Variants in CBLB observed in about 807,000 individuals in gnomAD.
The protein encoded by CBLB is Cbl proto-oncogene B, also known as E3 ubiquitin-protein ligase CBL-B.
In CBLB, 31 loss-of-function variants were observed where a neutral mutation model predicts 104.9. The observed-to-expected ratio is 0.30, with a 90% CI of 0.22 to 0.40. The LOEUF (loss-of-function observed/expected upper bound fraction) is 0.40. Ranked by LOEUF, CBLB falls within the 10% of genes least tolerant of loss-of-function variation. The pLI is 1.00. For synonymous variants in CBLB, 440 were observed against 422.6 expected (o/e 1.04, Z -0.51); for missense variants, 1,062 against 1,214.6 (o/e 0.87, Z 1.87).
chr3:105,797,836 T>C (rs942384661), intron 3 of CBLB, among the ~76,000 whole-genome samples: 1 of 152,216 alleles, frequency 6.6e-6, no homozygotes, highest in Non-Finnish European at 1.5e-5. Flanking sequence ...TCCATGAGCA[T>C]CCCCTTATTC....
intron 3 of CBLB, among the ~76,000 whole-genome samples, chr3:105,818,726 A>C (rs554329906): frequency 2.6e-5 from 4 of 152,192 alleles, no homozygotes; most frequent in Non-Finnish European, 4.4e-5. Context: ...AATAAATTAA[A>C]TACGAAAAGC....
intron 16 of CBLB, among the ~76,000 whole-genome samples, chr3:105,679,754 G>A (rs2066084629): frequency 7.5e-6 from 1 of 132,582 alleles, no homozygotes; most frequent in South Asian, 2.7e-4. Flanking sequence ...CCAGCCTGGT[G>A]ACAGAGAAAG....
At chr3:105,787,807 C>T (rs1018732919) in intron 3 of CBLB, among the ~76,000 whole-genome samples, 13 of 152,120 alleles carry the variant, frequency 8.5e-5, no homozygotes, top group African/African-American at 2.4e-4. Context: ...ACAGGCATTA[C>T]TGACATTTCT....
intron 18 of CBLB, among the ~76,000 whole-genome samples, chr3:105,665,664 CAT>C (rs2064360128): frequency 6.8e-6 from 1 of 147,150 alleles, no homozygotes. Context: ...AATAAAATAA[CAT>C]GAATATTTAT....
intron 13 of CBLB, 40 bp downstream of exon 13, chr3:105,693,454 G>A: frequency 1.5e-6 from 2 of 1,309,858 alleles, no homozygotes; most frequent in African/African-American, 1.5e-5. Flanking sequence ...ACCATATCTT[G>A]ATGCATAGAC....
chr3:105,739,069 A>G (rs2075266371), intron 7 of CBLB, among the ~76,000 whole-genome samples: 1 of 151,944 alleles, frequency 6.6e-6, no homozygotes, highest in Admixed American at 6.6e-5. Flanking sequence ...CACCATGCCC[A>G]GCTAATTTTT....
intron 3 of CBLB, among the ~76,000 whole-genome samples, chr3:105,830,479 A>G (rs1200142312): frequency 1.3e-5 from 2 of 152,242 alleles, no homozygotes; most frequent in Admixed American, 1.3e-4. Flanking sequence ...AAAGCATCAT[A>G]TAACAAGAAA....
At chr3:105,846,926 G>A (rs373930475) in intron 3 of CBLB, among the ~76,000 whole-genome samples, 16 of 152,080 alleles carry the variant, frequency 1.1e-4, no homozygotes, top group African/African-American at 3.6e-4. Flanking sequence ...CAATGACCAT[G>A]CTATCAACAT....
At chr3:105,707,388 T>C (rs1027676226) in intron 10 of CBLB, among the ~76,000 whole-genome samples, 1 of 152,214 alleles carries the variant, frequency 6.6e-6, no homozygotes, top group Non-Finnish European at 1.5e-5. Flanking sequence ...AAAATATCTT[T>C]CATCTTTATT....
intron 8 of CBLB, among the ~76,000 whole-genome samples, chr3:105,734,453 A>G (rs2074680156): frequency 2.0e-5 from 3 of 152,180 alleles, no homozygotes; most frequent in Non-Finnish European, 4.4e-5. Context: ...GACAAAATCT[A>G]TGGTTTTAAA....
At chr3:105,771,980 C>T (rs552378602) in intron 4 of CBLB, among the ~76,000 whole-genome samples, 1 of 152,146 alleles carries the variant, frequency 6.6e-6, no homozygotes, top group East Asian at 1.9e-4. Flanking sequence ...ATGCAATTCC[C>T]ATCAAAATAC....
chr3:105,834,093 T>C (rs1367395283), intron 3 of CBLB, among the ~76,000 whole-genome samples: 1 of 110,676 alleles, frequency 9.0e-6, no homozygotes, highest in African/African-American at 3.5e-5. Flanking sequence ...GGGGTGGGGG[T>C]GGGCAGTTGA....
chr3:105,816,735 C>A (rs1420250705), intron 3 of CBLB, among the ~76,000 whole-genome samples: 2 of 152,044 alleles, frequency 1.3e-5, no homozygotes, highest in Non-Finnish European at 2.9e-5. Flanking sequence ...GTTGAAGTAT[C>A]ACCTATTTAA....
intron 3 of CBLB, among the ~76,000 whole-genome samples, chr3:105,799,317 A>T (rs1295747600): frequency 6.6e-5 from 10 of 152,160 alleles, no homozygotes; most frequent in Non-Finnish European, 1.5e-4. Context: ...TTTTGGGTAG[A>T]CGTTATGTAA....
At chr3:105,726,273 A>G (rs546698607) in intron 9 of CBLB, among the ~76,000 whole-genome samples, 1 of 152,330 alleles carries the variant, frequency 6.6e-6, no homozygotes, top group South Asian at 2.1e-4. Flanking sequence ...CTCCTTAATC[A>G]TATTCCACAT....
At position 105,853,608 on chromosome 3, in the gene CBLB, A is replaced by G. The variant is rs748276591; in HGVS notation, c.225T>C (p.Leu75=). The part of the protein sequence containing the change: ...LQLKNSPPYI[L]DILPDTYQHL... The stretch of plus-strand genomic sequence containing the variant: ...GCTGATATGTATCAGGCAAAATATC[A>G]AGTATATATGGTGGGCTATTTTTCA... Residue 75 remains leucine, a synonymous_variant, in exon 3 of 19, where the codon CTT becomes CTC. Coordinates refer to ENST00000394030, the MANE Select transcript of CBLB (RefSeq NM_170662.5). The G allele has an allele frequency of 6.2e-6, 10 of 1,610,094 alleles. No individual in the cohort carries two copies. The highest frequency in any genetic ancestry group is 1.7e-4 in the Middle Eastern group (1 of 6,050).
intron 3 of CBLB, among the ~76,000 whole-genome samples, chr3:105,845,359 C>CAGTA (rs762373751): frequency 2.0e-4 from 28 of 137,068 alleles, no homozygotes; most frequent in Non-Finnish European, 3.3e-4. Flanking sequence ...GGGGGCTGAA[C>CAGTA]AGTATTAACA....
intron 12 of CBLB, among the ~76,000 whole-genome samples, chr3:105,699,765 T>C (rs1404293608): frequency 6.6e-6 from 1 of 152,222 alleles, no homozygotes; most frequent in Admixed American, 6.5e-5. Context: ...TATAGTTTTG[T>C]GGCATTCAAT....
chr3:105,685,930 T>C lies in CBLB; in HGVS notation c.2055-464A>G, dbSNP rs561412492. Among the ~76,000 whole-genome samples the C allele has an allele frequency of 8.3e-4, 126 of 152,300 alleles. 1 individual carries two copies. The highest frequency in any genetic ancestry group is 3.0e-3 in the African/African-American group (124 of 41,580). On this transcript the variant is annotated intron_variant, in intron 13 of 18. Coordinates refer to ENST00000394030, the MANE Select transcript of CBLB (RefSeq NM_170662.5). ...TGTCTCCTGTGAATATTATCTATAG[T>C]TGGAAAAATATCCAGTTTAATTCTG...
Sources: gnomAD v4.1 joint callset for allele counts (sites outside exome capture counted in the v4.1 genomes callset) on GRCh38, gnomAD v4.1.1 for gene constraint, MANE v1.5 for transcripts, NCBI Gene and HGNC (gene_info 2026-07-23, HGNC 2026-07-21) for gene names.